Variants in CACNA1G observed in about 807,000 individuals in gnomAD.
The protein encoded by CACNA1G is calcium voltage-gated channel subunit alpha1 G, also known as voltage-dependent T-type calcium channel subunit alpha-1G.
A neutral mutation model predicts 219.4 loss-of-function variants in CACNA1G; 67 were observed. That is an observed-to-expected ratio of 0.31 (90% CI 0.25 to 0.37). The LOEUF is 0.37. Among genes scored for constraint, CACNA1G ranks in the 10% least tolerant of loss-of-function variants. CACNA1G has a pLI of 1.00. For synonymous variants in CACNA1G, 1,296 were observed against 1,345.3 expected (o/e 0.96, Z 0.80); for missense variants, 2,380 against 3,231.4 (o/e 0.74, Z 6.39).
chr17:50,576,368 G>A (rs1359806095), intron 8 of CACNA1G, 42 bp downstream of exon 8: 2 of 1,545,012 alleles, frequency 1.3e-6, no homozygotes, highest in South Asian at 2.4e-5. Context: ...CCTCGTCTGG[G>A]GACTGGGTGG....
chr17:50,608,111 TGGGGCCG>T, intron 25 of CACNA1G, 92 bp downstream of exon 25: 1 of 1,204,834 alleles, frequency 8.3e-7, no homozygotes, highest in Non-Finnish European at 1.2e-6. Flanking sequence ...GGCTGGGCGC[TGGGGCCG>T]GGGGCAGGGA....
Position 50,592,032 on chromosome 17 carries a change from C to T in CACNA1G, c.2850C>T (p.Phe950=), listed in dbSNP as rs536992411. ...TTTATTTCATTGCCCTCATGACCTT[C>T]GGCAACTACGTGCTCTTCAATTTGC... ...AALYFIALMT[F]GNYVLFNLLV... Residue 950 remains phenylalanine (F), a synonymous_variant, in exon 13 of 38, where the codon TTC becomes TTT. Transcript: ENST00000359106. 1.5e-5 allele frequency: 24 copies of T among 1,613,974 alleles called. No individual in the cohort carries two copies. Among genetic ancestry groups the T allele is most frequent in the South Asian group, 6.6e-5 (6 of 91,076 alleles).
In CACNA1G at chr17:50,575,536, C is replaced by T. The variant is rs1187212860; in HGVS notation, c.1141-7C>T. The stretch of plus-strand genomic sequence containing the variant: ...GACATTTCCTCTTCCTGTCCCCACC[C>T]CTACAGGTGGGCTCCTTCTTCATGA... On this transcript the variant is annotated splice_polypyrimidine_tract_variant and splice_region_variant and intron_variant, in intron 7 of 37. Transcript: ENST00000359106. 1 of 1,601,642 alleles carries T rather than the reference C, an allele frequency of 6.2e-7. No individual in the cohort carries two copies. Among genetic ancestry groups the T allele is most frequent in the South Asian group, 1.1e-5 (1 of 90,512 alleles).
chr17:50,613,995 C>T (rs538052691), intron 26 of CACNA1G, among the ~76,000 whole-genome samples: 6 of 152,338 alleles, frequency 3.9e-5, no homozygotes, highest in African/African-American at 1.2e-4. Flanking sequence ...ATGCCTAAGG[C>T]GCAGCAGAGT....
intron 22 of CACNA1G, among the ~76,000 whole-genome samples, chr17:50,604,996 G>A (rs893363359): frequency 7.9e-5 from 12 of 152,092 alleles, no homozygotes; most frequent in Non-Finnish European, 1.8e-4. Context: ...TCTGCCCTGG[G>A]TTGGGGGCTG....
At chr17:50,582,411 A>G (rs2042144994) in intron 9 of CACNA1G, among the ~76,000 whole-genome samples, 1 of 152,200 alleles carries the variant, frequency 6.6e-6, no homozygotes, top group African/African-American at 2.4e-5. Context: ...TGCAGGACCC[A>G]ATCAGTTGGA....
chr17:50,623,965 G>C lies in CACNA1G; in HGVS notation c.6119G>C (p.Gly2040Ala), dbSNP rs776763629. ...GPDLLTVRKSGVSRTHSLPND... is the reference protein window; with the variant it reads ...GPDLLTVRKSAVSRTHSLPND... ...GACTTACTGACTGTGCGGAAGTCTG[G>C]GGTCAGCCGAACGCACTCTCTGCCC... Residue 2040 changes from glycine to alanine, a missense_variant, in exon 36 of 38, where the codon GGG becomes GCG. Physicochemically the swap from Gly to Ala is moderately conservative, Grantham distance 60. This residue lies in a region of CACNA1G where 672 missense variants were observed against 670.5 expected (regional missense o/e 1.00). Transcript: ENST00000359106. 1 of 1,613,318 alleles carries C rather than the reference G, an allele frequency of 6.2e-7. No homozygotes were observed. The highest frequency in any genetic ancestry group is 1.1e-5 in the South Asian group (1 of 91,082).
chr17:50,572,697 C>G lies in CACNA1G; in HGVS notation c.890C>G (p.Pro297Arg). The G allele has an allele frequency of 1.2e-6, 2 of 1,613,538 alleles. No homozygotes were observed. Among genetic ancestry groups the G allele is most frequent in the Non-Finnish European group, 1.7e-6 (2 of 1,179,696 alleles). Residue 297 changes from proline (P) to arginine (R), a missense_variant, in exon 6 of 38, where the codon CCT (proline) becomes CGT (arginine). This residue lies in a region of CACNA1G where 68 missense variants were observed against 85.3 expected (regional missense o/e 0.80). Transcript: ENST00000359106. Reference sequence around the variant, plus strand: ...CGCGGGGACGGGGGCGGTGGCCCACCTTGCGGTCTGGACTATGAGGCCTAC... The same window carrying G: ...CGCGGGGACGGGGGCGGTGGCCCACGTTGCGGTCTGGACTATGAGGCCTAC... ...TLRGDGGGGP[P>R]CGLDYEAYNS... is the part of the protein sequence containing the mutation.
At position 50,609,939 on chromosome 17, in the gene CACNA1G, C is replaced by G. The variant is rs755687596; in HGVS notation, c.4759+4C>G. On this transcript the variant is annotated splice_donor_region_variant and intron_variant, in intron 26 of 37. Coordinates refer to ENST00000359106, the MANE Select transcript of CACNA1G (RefSeq NM_018896.5). ...AGCTCAGCCAGCGCTGCGTCAGGTA[C>G]TGCGTCTGGGGTGTGGGCTCATGCG... 1 of 1,609,716 alleles carries G rather than the reference C, an allele frequency of 6.2e-7. No homozygotes were observed.
chr17:50,576,059 G>A lies in CACNA1G; in HGVS notation c.1657G>A (p.Val553Met), dbSNP rs1272687006. 6.3e-7 allele frequency: 1 copy of A among 1,582,392 alleles called. No individual in the cohort carries two copies. Among genetic ancestry groups the A allele is most frequent in the Admixed American group, 1.8e-5 (1 of 55,984 alleles). Residue 553 changes from valine (V) to methionine (M), a missense_variant, in exon 8 of 38, where the codon GTG (valine) becomes ATG (methionine). Coordinates refer to ENST00000359106, the MANE Select transcript of CACNA1G (RefSeq NM_018896.5). ...GGCCCCCCCTGGTGGCGCAGAGTCT[G>A]TGCACAGCTTCTACCATGCCGACTG... is the stretch of plus-strand genomic sequence containing the variant. ...SGAPPGGAES[V>M]HSFYHADCHL...
At position 50,617,534 on chromosome 17, in the gene CACNA1G, C is replaced by T; in HGVS notation, c.5118C>T (p.Thr1706=). 1 of 1,614,074 alleles carries T rather than the reference C, an allele frequency of 6.2e-7. No homozygotes were observed. The highest frequency in any genetic ancestry group is 8.5e-7 in the Non-Finnish European group (1 of 1,179,906). The change falls in exon 29 of 38, where the codon ACC becomes ACT. Residue 1706 remains threonine, a synonymous_variant. Coordinates refer to ENST00000359106, the MANE Select transcript of CACNA1G (RefSeq NM_018896.5). This position sits in a 1 kb window ranked among gnomAD's most constrained non-coding sequence, Gnocchi z 5.8. ...EVNASLPINP[T]IIRIMRVLRI... ...ACGCCTCGCTGCCCATCAACCCCAC[C>T]ATCATCCGCATCATGAGGGTGCTGC...
chr17:50,606,565 C>A (rs2048009639), intron 23 of CACNA1G: 1 of 544,138 alleles, frequency 1.8e-6, no homozygotes, highest in African/African-American at 1.9e-5. Flanking sequence ...TCCATATTTG[C>A]AGAAACAGAA....
rs369777743 is a variant in CACNA1G, at chr17:50,619,849, C to T, written c.5925+23C>T. ...CAGGTTACTGTGCCCCTGTGCTGTG[C>T]CCTCTCCCCTGACCGTGCTGGGCTG... On this transcript the variant is annotated intron_variant, in intron 34 of 37. Transcript: ENST00000359106. 1.0e-5 allele frequency: 16 copies of T among 1,587,498 alleles called. No homozygotes were observed. The East Asian group carries it at 1.1e-4, about 11-fold the overall frequency.
chr17:50,561,119 C>T lies in CACNA1G; in HGVS notation c.-341C>T, dbSNP rs2082102016. The T allele has an allele frequency of 4.3e-6, 2 of 469,196 alleles. No individual in the cohort carries two copies. The highest frequency in any genetic ancestry group is 2.1e-5 in the African/African-American group (1 of 47,868). The allele number at this position is 469,196 out of a possible 1,614,324, so 29.1% of individuals were successfully genotyped here. A position where few individuals can be genotyped will look rare whatever the true frequency, so the allele number is the denominator to read the frequency against. ...CGTTCGCCCTCTCGGGGCGGCTTCGCCGAAGGTAGCGCCGAATCCGGCAAC... is the reference window on the plus strand; with the variant it reads ...CGTTCGCCCTCTCGGGGCGGCTTCGTCGAAGGTAGCGCCGAATCCGGCAAC... On this transcript the variant is annotated 5_prime_UTR_variant, in exon 1 of 38. Transcript: ENST00000359106.
intron 22 of CACNA1G, 35 bp downstream of exon 22, chr17:50,604,316 A>T: frequency 6.2e-7 from 1 of 1,606,192 alleles, no homozygotes; most frequent in South Asian, 1.1e-5. Context: ...TGTGGGTGAA[A>T]GCCTGAAGAG....
rs1326523232 is a variant in CACNA1G, at chr17:50,589,912, C to CTCTCTCTCTCTGTG, written c.2302-558_2302-557insCTCTCTCTCTGTGT. 4.4e-3 allele frequency among the ~76,000 whole-genome samples: 626 copies of CTCTCTCTCTCTGTG among 141,888 alleles called. 3 individuals are homozygous for CTCTCTCTCTCTGTG. Among genetic ancestry groups the CTCTCTCTCTCTGTG allele is most frequent in the African/African-American group, 0.017 (588 of 35,234 alleles). The allele number at this position is 141,888 out of a possible 152,430, so 93.1% of individuals were successfully genotyped here. A position where few individuals can be genotyped will look rare whatever the true frequency, so the allele number is the denominator to read the frequency against. Reference sequence around the variant, plus strand: ...TGCATTTTTCTCTCTCTCTCTCTCTCTGTGTGTGTGTGTGTGTGTGTGTGT... The same window carrying CTCTCTCTCTCTGTG: ...TGCATTTTTCTCTCTCTCTCTCTCTCTCTCTCTCTCTGTGTGTGTGTGTGTGTGTGTGTGTGTGT... On this transcript the variant is annotated intron_variant, in intron 9 of 37. Coordinates refer to ENST00000359106, the MANE Select transcript of CACNA1G (RefSeq NM_018896.5).
At chr17:50,581,286 G>A (rs867718037) in intron 9 of CACNA1G, among the ~76,000 whole-genome samples, 1 of 151,866 alleles carries the variant, frequency 6.6e-6, no homozygotes, top group Non-Finnish European at 1.5e-5. Flanking sequence ...GACGGGGTGG[G>A]ATGGGGAGAC....
chr17:50,603,038 C>T lies in CACNA1G; in HGVS notation c.4008C>T (p.Phe1336=), dbSNP rs529515246. The T allele has an allele frequency of 3.7e-5, 60 of 1,612,768 alleles. No individual in the cohort carries two copies. The highest frequency in any genetic ancestry group is 9.9e-5 in the South Asian group (9 of 91,042). The change falls in exon 21 of 38, where the codon TTC becomes TTT. Residue 1336 remains phenylalanine (F), a synonymous_variant. Coordinates refer to ENST00000359106, the MANE Select transcript of CACNA1G (RefSeq NM_018896.5). The surrounding 1 kb of genome is among the most constrained non-coding windows in gnomAD (Gnocchi z 6.4). ...AGGTGGTGGCACTGGGCTGGTGCTT[C>T]GGGGAGCAGGCGTACCTGCGGAGCA... ...TVKVVALGWC[F]GEQAYLRSSW... is the part of the protein sequence containing the mutation.
At position 50,571,695 on chromosome 17, in the gene CACNA1G, G is replaced by C. The variant is rs1037769522; in HGVS notation, c.587-183G>C. On this transcript the variant is annotated intron_variant, in intron 4 of 37. Transcript: ENST00000359106. The surrounding 1 kb of genome is among the most constrained non-coding windows in gnomAD (Gnocchi z 4.3). ...GCAAGCCACAAGGGGAAGTGGGTCG[G>C]GGCAAGGGGCTGCAGAGGCTATCTG... 7.9e-5 allele frequency among the ~76,000 whole-genome samples: 12 copies of C among 152,186 alleles called. No individual in the cohort carries two copies. The highest frequency in any genetic ancestry group is 1.6e-4 in the Non-Finnish European group (11 of 68,008).
Sources: allele counts gnomAD v4.1 joint callset (sites outside exome capture counted in the v4.1 genomes callset), GRCh38; gene constraint gnomAD v4.1.1; regional missense constraint gnomAD v4.1.1; non-coding constraint Gnocchi (gnomAD v3.1); transcripts MANE v1.5; gene names NCBI Gene and HGNC (gene_info 2026-07-23, HGNC 2026-07-21).